The following CDKL1 variants were observed in gnomAD, a reference collection of about 807,000 sequenced individuals.
CDKL1 encodes the protein cyclin-dependent kinase-like 1.
CDKL1 carries 41 observed loss-of-function variants against 42.0 expected under a neutral mutation model. The ratio of observed to expected loss-of-function variants is 0.98; its 90% CI spans 0.76 to 1.27. The LOEUF (loss-of-function observed/expected upper bound fraction) is 1.27. CDKL1 is among the 50% of genes most tolerant of loss of function. CDKL1 has a pLI of 0.00. For missense variants in CDKL1, 394 were observed against 428.4 expected (o/e 0.92, Z 0.71); for synonymous variants, 153 against 158.6 (o/e 0.96, Z 0.26).
In CDKL1 at chr14:50,359,159, C is replaced by CA. The variant is rs759205254; in HGVS notation, c.169-11dup. ...TGGGATGCTTGAGTTGCTGAAAACA[C>CA]AAAAAAACAAGTTACTAAATTTGAC... On this transcript the variant is annotated splice_polypyrimidine_tract_variant and intron_variant, in intron 2 of 9. Transcript: ENST00000395834. 30 of 1,588,556 alleles carry CA rather than the reference C, an allele frequency of 1.9e-5. No individual in the cohort carries two copies. Among genetic ancestry groups the CA allele is most frequent in the African/African-American group, 8.1e-5 (6 of 73,664 alleles).
At chr14:50,391,835 C>T (rs1229816111) in intron 2 of CDKL1, among the ~76,000 whole-genome samples, 1 of 152,186 alleles carries the variant, frequency 6.6e-6, no homozygotes, top group Non-Finnish European at 1.5e-5. Context: ...ATGTACTTCT[C>T]ACTCGTATAA....
At chr14:50,332,014 T>G (rs911064055) in intron 9 of CDKL1, 1 of 1,535,150 alleles carries the variant, frequency 6.5e-7, no homozygotes, top group African/African-American at 1.4e-5. Flanking sequence ...AGACCTGTGC[T>G]CATGCAGGCT....
chr14:50,333,513 C>G (rs1186583907), intron 8 of CDKL1: 1 of 122,016 alleles, frequency 8.2e-6, no homozygotes. Context: ...CCTGCCCTCT[C>G]CTGGAAAACT....
intron 2 of CDKL1, among the ~76,000 whole-genome samples, chr14:50,389,946 C>A (rs868521703): frequency 6.6e-6 from 1 of 152,102 alleles, no homozygotes; most frequent in African/African-American, 2.4e-5. Flanking sequence ...GACCGGGAGG[C>A]CTTGGCAAAT....
chr14:50,353,048 T>C (rs2033949846), intron 3 of CDKL1, among the ~76,000 whole-genome samples: 1 of 152,342 alleles, frequency 6.6e-6, no homozygotes, highest in East Asian at 1.9e-4. Flanking sequence ...AATTTATCAT[T>C]AGATAAAACA....
At chr14:50,332,039 C>A in intron 9 of CDKL1, 2 of 1,540,128 alleles carry the variant, frequency 1.3e-6, no homozygotes, top group Non-Finnish European at 1.7e-6. Flanking sequence ...ACCCTGGCCC[C>A]TGTGTGGCAT....
chr14:50,365,517 A>G (rs1408738464), intron 2 of CDKL1, among the ~76,000 whole-genome samples: 1 of 152,236 alleles, frequency 6.6e-6, no homozygotes, highest in Non-Finnish European at 1.5e-5. Context: ...CTGGGTTGCC[A>G]GGATTCCAGG....
At chr14:50,354,170 GTCT>G (rs2033987752) in intron 3 of CDKL1, among the ~76,000 whole-genome samples, 1 of 152,088 alleles carries the variant, frequency 6.6e-6, no homozygotes, top group Admixed American at 6.5e-5. Flanking sequence ...GGCCAGGCTG[GTCT>G]TGAACTCCTG....
intron 2 of CDKL1, chr14:50,378,473 G>A: frequency 7.4e-7 from 1 of 1,350,378 alleles, no homozygotes; most frequent in African/African-American, 1.5e-5. Flanking sequence ...GCACTACACT[G>A]TCGCATAACT....
intron 6 of CDKL1, among the ~76,000 whole-genome samples, chr14:50,340,659 G>A (rs1566577747): frequency 6.6e-6 from 1 of 152,120 alleles, no homozygotes; most frequent in Non-Finnish European, 1.5e-5. Context: ...TGGGATTAAG[G>A]ACATCCAAAT....
At chr14:50,341,878 GA>G (rs2139399767) in intron 5 of CDKL1, among the ~76,000 whole-genome samples, 1 of 152,110 alleles carries the variant, frequency 6.6e-6, no homozygotes, top group Non-Finnish European at 1.5e-5. Flanking sequence ...ATTTTAGCAA[GA>G]AATGGTAGAA....
chr14:50,350,754 C>T (rs1254308585), intron 3 of CDKL1, among the ~76,000 whole-genome samples: 1 of 152,132 alleles, frequency 6.6e-6, no homozygotes, highest in East Asian at 1.9e-4. Context: ...TTTTCTGTCC[C>T]ACACCAAGAT....
At chr14:50,331,947 C>T (rs4901015) in intron 9 of CDKL1, 713,943 of 1,265,602 alleles carry the variant, frequency 0.56, 201,881 homozygotes, top group East Asian at 0.61. Flanking sequence ...AATCTGATTT[C>T]ATTTTCCAAA....
intron 7 of CDKL1, among the ~76,000 whole-genome samples, chr14:50,338,200 AGGCT>A (rs1283973597): frequency 4.0e-4 from 61 of 152,216 alleles, no homozygotes; most frequent in African/African-American, 1.5e-3. Flanking sequence ...CACCAGAGTA[AGGCT>A]GGCTAAGGAA....
chr14:50,384,562 T>C (rs2035014892), intron 2 of CDKL1, among the ~76,000 whole-genome samples: 1 of 151,002 alleles, frequency 6.6e-6, no homozygotes, highest in South Asian at 2.1e-4. Flanking sequence ...AAATGTGTGA[T>C]AATTGAGAGT....
At chr14:50,373,424 A>G (rs2034641858) in intron 2 of CDKL1, among the ~76,000 whole-genome samples, 1 of 152,202 alleles carries the variant, frequency 6.6e-6, no homozygotes, top group African/African-American at 2.4e-5. Context: ...ACGTGATGCC[A>G]TTTATTTCCT....
chr14:50,391,037 G>A (rs534791506), intron 2 of CDKL1, among the ~76,000 whole-genome samples: 11 of 152,148 alleles, frequency 7.2e-5, no homozygotes, highest in South Asian at 4.2e-4. Flanking sequence ...GTTTCACCAC[G>A]TTGCCCCTGC....
intron 2 of CDKL1, among the ~76,000 whole-genome samples, chr14:50,383,567 A>AAAC (rs201144052): frequency 1.0e-4 from 6 of 58,518 alleles, no homozygotes; most frequent in African/African-American, 1.7e-4. Context: ...AAAAAAAAAC[A>AAAC]AACAACAACA....
At chr14:50,378,249 C>G in intron 2 of CDKL1, 1 of 1,366,368 alleles carries the variant, frequency 7.3e-7, no homozygotes, top group Non-Finnish European at 9.8e-7. Context: ...TCCTTAGATT[C>G]TACCCCACCT....
Sources: allele counts gnomAD v4.1 joint callset (sites outside exome capture counted in the v4.1 genomes callset), GRCh38; gene constraint gnomAD v4.1.1; transcripts MANE v1.5; gene names NCBI Gene and HGNC (gene_info 2026-07-23, HGNC 2026-07-21).